VDAC2: variants seen among roughly 807,000 people sequenced by gnomAD.
The protein encoded by VDAC2 is voltage dependent anion channel 2.
Under a neutral mutation model 36.6 loss-of-function variants are expected in VDAC2, and 6 were observed. The observed-to-expected ratio is 0.16, with a 90% CI of 0.09 to 0.32. The LOEUF (loss-of-function observed/expected upper bound fraction) is 0.32. Among genes scored for constraint, VDAC2 ranks in the 10% least tolerant of loss-of-function variants. The pLI is 1.00. For synonymous variants in VDAC2, 109 were observed against 123.8 expected, an observed-to-expected ratio of 0.88 and a Z score of 0.79; for missense variants, 247 against 346.0, an observed-to-expected ratio of 0.71 and a Z score of 2.27.
Position 75,212,217 on chromosome 10 carries a change from T to C in VDAC2, c.32-13T>C, listed in dbSNP as rs1338586342. On this transcript the variant is annotated splice_polypyrimidine_tract_variant and intron_variant, in intron 2 of 9. Coordinates refer to ENST00000332211, the MANE Select transcript of VDAC2 (RefSeq NM_001391963.1). ...ATAGAGACATTAACACTGGAATGTT[T>C]TTTTTCTACCAGCAATGTGTATTCC... is the stretch of plus-strand genomic sequence containing the variant. 6.2e-7 allele frequency: 1 copy of C among 1,613,034 alleles called. No individual in the cohort carries two copies. Among genetic ancestry groups the C allele is most frequent in the Non-Finnish European group, 8.5e-7 (1 of 1,179,462 alleles).
intron 8 of VDAC2, among the ~76,000 whole-genome samples, chr10:75,225,161 GAACT>G (rs1258942765): frequency 5.3e-5 from 8 of 152,172 alleles, no homozygotes; most frequent in African/African-American, 1.9e-4. Flanking sequence ...GCCTGAGGAG[GAACT>G]GGATCTCACT....
chr10:75,214,938 TCG>T (rs1841552445), intron 4 of VDAC2, among the ~76,000 whole-genome samples: 6 of 152,216 alleles, frequency 3.9e-5, no homozygotes, highest in African/African-American at 1.4e-4. Context: ...AGGGTCTCAC[TCG>T]GTTGCCCAGG....
intron 9 of VDAC2, among the ~76,000 whole-genome samples, chr10:75,230,320 T>C (rs1842066591): frequency 6.6e-6 from 1 of 152,236 alleles, no homozygotes; most frequent in Non-Finnish European, 1.5e-5. Context: ...ATTGACCAAT[T>C]ATTAACAATT....
intron 4 of VDAC2, among the ~76,000 whole-genome samples, chr10:75,214,680 A>G (rs574083894): frequency 6.6e-6 from 1 of 152,264 alleles, no homozygotes; most frequent in East Asian, 1.9e-4. Context: ...GCCTGCCACC[A>G]CGCCTGACTG....
At chr10:75,217,913 CTT>C (rs1359317985) in intron 4 of VDAC2, 17 of 1,288,272 alleles carry the variant, frequency 1.3e-5, no homozygotes, top group Admixed American at 2.3e-5. Flanking sequence ...GCTGTAGTCT[CTT>C]TATTATTTTC....
At chr10:75,220,314 G>A (rs1296720865) in intron 6 of VDAC2, among the ~76,000 whole-genome samples, 1 of 151,782 alleles carries the variant, frequency 6.6e-6, no homozygotes, top group Non-Finnish European at 1.5e-5. Context: ...TCACCATGCT[G>A]GCCAGGCTGA....
chr10:75,212,390 A>G (rs1023468083), intron 3 of VDAC2, 92 bp downstream of exon 3: 64 of 1,137,088 alleles, frequency 5.6e-5, no homozygotes, highest in Non-Finnish European at 7.8e-5. Flanking sequence ...TGCAAATTGT[A>G]AATATCTTGC....
chr10:75,212,103 C>T (rs1375384760), intron 2 of VDAC2, 127 bp from the exon 3 acceptor site: 7 of 792,546 alleles, frequency 8.8e-6, no homozygotes, highest in African/African-American at 5.3e-5. Context: ...AGCTCCTGAC[C>T]GCATAAAAAA....
intron 2 of VDAC2, chr10:75,211,427 A>G (rs994944361): frequency 8.8e-6 from 13 of 1,469,174 alleles, no homozygotes; most frequent in African/African-American, 2.8e-5. Flanking sequence ...GCCTTTGTAC[A>G]TGTCTTTGAC....
chr10:75,229,495 T>C, intron 8 of VDAC2, 149 bp from the exon 9 acceptor site: 1 of 562,786 alleles, frequency 1.8e-6, no homozygotes, highest in Non-Finnish European at 3.1e-6. Context: ...AAATAGTACC[T>C]GGTTTGTTTG....
At chr10:75,220,722 A>G in intron 6 of VDAC2, 21 bp from the exon 7 acceptor site, 3 of 1,595,588 alleles carry the variant, frequency 1.9e-6, no homozygotes, top group Non-Finnish European at 2.6e-6. Context: ...TCCCAATGAC[A>G]TCAGTTTGTT....
At chr10:75,226,388 G>A (rs1184053987) in intron 8 of VDAC2, among the ~76,000 whole-genome samples, 3 of 150,996 alleles carry the variant, frequency 2.0e-5, no homozygotes, top group African/African-American at 7.3e-5. Context: ...GAGATATTTG[G>A]CCATTTGTCC....
chr10:75,214,600 C>G (rs544079967), intron 4 of VDAC2, among the ~76,000 whole-genome samples: 125 of 152,230 alleles, frequency 8.2e-4, no homozygotes, highest in African/African-American at 3.0e-3. Context: ...TTGTGGCTCA[C>G]TGCAACCTCC....
intron 8 of VDAC2, among the ~76,000 whole-genome samples, chr10:75,223,937 C>G (rs2132274578): frequency 6.6e-6 from 1 of 152,300 alleles, no homozygotes; most frequent in African/African-American, 2.4e-5. Context: ...GAAGCTGTGT[C>G]CCTTCCTATG....
intron 8 of VDAC2, 35 bp downstream of exon 8, chr10:75,222,437 G>T: frequency 6.2e-7 from 1 of 1,611,430 alleles, no homozygotes; most frequent in South Asian, 1.1e-5. Flanking sequence ...TGGGGGTTTT[G>T]GTTGTGGGAA....
At position 75,219,199 on chromosome 10, in the gene VDAC2, T is replaced by A; in HGVS notation, c.287T>A (p.Ile96Asn). 6.2e-7 allele frequency: 1 copy of A among 1,600,628 alleles called. No homozygotes were observed. The highest frequency in any genetic ancestry group is 8.5e-7 in the Non-Finnish European group (1 of 1,173,898). The part of the protein sequence containing the change: ...WNTDNTLGTE[I>N]AIEDQICQGL... ...ACTGATAACACTCTGGGAACAGAAA[T>A]CGCAATTGAAGACCAGGTAACATTT... The change falls in exon 5 of 10, where the codon ATC becomes AAC. Residue 96 changes from isoleucine to asparagine, a missense_variant. Physicochemically the swap from Ile to Asn is moderately radical, Grantham distance 149 (BLOSUM62 -3). Coordinates refer to ENST00000332211, the MANE Select transcript of VDAC2 (RefSeq NM_001391963.1).
intron 6 of VDAC2, among the ~76,000 whole-genome samples, chr10:75,220,318 A>G: frequency 6.6e-6 from 1 of 151,880 alleles, no homozygotes; most frequent in African/African-American, 2.4e-5. Context: ...CATGCTGGCC[A>G]GGCTGATCTT....
At chr10:75,218,993 T>C (rs930420467) in intron 4 of VDAC2, 70 bp from the exon 5 acceptor site, 5 of 1,476,990 alleles carry the variant, frequency 3.4e-6, no homozygotes, top group Admixed American at 2.1e-5. Flanking sequence ...TGTGTGTGTG[T>C]GCGTGTGTAA....
rs1841970644 is a variant in VDAC2, at chr10:75,226,913, G to A, written c.736-2731G>A. ...CCTTGGGGAGGGCATAGTAGCTAAA[G>A]GTTGAGCCAGTGGCCAGTGATTTAA... On this transcript the variant is annotated intron_variant, in intron 8 of 9. Transcript: ENST00000332211. Among the ~76,000 whole-genome samples, 4 of 152,310 alleles carry A rather than the reference G, an allele frequency of 2.6e-5. No homozygotes were observed. The South Asian group carries it at 8.3e-4, about 32-fold the overall frequency.
Sources: gnomAD v4.1 joint callset for allele counts (sites outside exome capture counted in the v4.1 genomes callset) on GRCh38, gnomAD v4.1.1 for gene constraint, MANE v1.5 for transcripts, NCBI Gene and HGNC (gene_info 2026-07-23, HGNC 2026-07-21) for gene names.